Variants in GPNMB observed in about 807,000 individuals in gnomAD.
GPNMB encodes transmembrane glycoprotein NMB.
A neutral mutation model predicts 57.3 loss-of-function variants in GPNMB; 71 were observed. That is an observed-to-expected ratio of 1.24 (90% confidence interval 1.02 to 1.51). The LOEUF (loss-of-function observed/expected upper bound fraction) is 1.51, where lower values mean the gene tolerates loss of function less well. GPNMB is among the 40% of genes most tolerant of loss of function. The probability of loss-of-function intolerance (pLI) is 0.00; values close to 1 mark genes in which losing one functional copy is unlikely to be tolerated. For missense variants in GPNMB, 677 were observed against 691.9 expected (o/e 0.98, Z 0.24); for synonymous variants, 253 against 263.2 (o/e 0.96, Z 0.38).
intron 6 of GPNMB, among the ~76,000 whole-genome samples, chr7:23,263,712 T>G (rs1439390088): frequency 1.3e-5 from 2 of 151,482 alleles, no homozygotes; most frequent in African/African-American, 2.4e-5. Flanking sequence ...AGGTGTTAGA[T>G]CAATCATAAT....
chr7:23,263,377 C>T (rs1321116075), intron 6 of GPNMB, among the ~76,000 whole-genome samples: 4 of 151,866 alleles, frequency 2.6e-5, no homozygotes, highest in East Asian at 3.9e-4. Flanking sequence ...TTTGGGAGGC[C>T]GAGGCAGGTG....
intron 6 of GPNMB, among the ~76,000 whole-genome samples, chr7:23,264,340 A>G (rs928953503): frequency 2.0e-5 from 3 of 151,860 alleles, no homozygotes; most frequent in African/African-American, 7.3e-5. Context: ...TATAGACACA[A>G]TGTTTGCGAA....
At chr7:23,250,097 T>G (rs529348170) in intron 1 of GPNMB, among the ~76,000 whole-genome samples, 1 of 152,356 alleles carries the variant, frequency 6.6e-6, no homozygotes, top group South Asian at 2.1e-4. Flanking sequence ...TTCATTAATT[T>G]TTACCAATTT....
At chr7:23,249,367 T>A (rs1402934187) in intron 1 of GPNMB, among the ~76,000 whole-genome samples, 2 of 152,214 alleles carry the variant, frequency 1.3e-5, no homozygotes, top group Non-Finnish European at 2.9e-5. Context: ...ACAGCCCAGA[T>A]ATTGACATTG....
At chr7:23,268,282 T>C (rs1009934937) in intron 8 of GPNMB, among the ~76,000 whole-genome samples, 6 of 152,228 alleles carry the variant, frequency 3.9e-5, no homozygotes, top group African/African-American at 1.2e-4. Flanking sequence ...TGTTCTCATA[T>C]TGAATCCTCA....
chr7:23,267,851 T>C (rs1422789954), intron 7 of GPNMB, 35 bp from the exon 8 acceptor site: 1 of 1,299,906 alleles, frequency 7.7e-7, no homozygotes, highest in Non-Finnish European at 1.1e-6. Flanking sequence ...TCTGTTGTAT[T>C]TTGATGTGTT....
chr7:23,262,311 C>T (rs544472353), intron 6 of GPNMB, among the ~76,000 whole-genome samples: 13 of 152,260 alleles, frequency 8.5e-5, no homozygotes, highest in East Asian at 1.9e-4. Context: ...AGTCCCCACT[C>T]GTACTCTCCT....
rs766470213 is a variant in GPNMB at position 23,254,150 on chromosome 7, C to T, written c.224-19C>T. 1.1e-5 allele frequency: 17 copies of T among 1,587,332 alleles called. No homozygotes were observed. The highest frequency in any genetic ancestry group is 1.5e-5 in the Non-Finnish European group (17 of 1,170,184). ...GAAAAAGATGCTGGATCATCGAGCC[C>T]CACTTTTTTATACCCTAGGAGGCCG... On this transcript the variant is annotated intron_variant, in intron 2 of 10. Coordinates refer to ENST00000258733, the MANE Select transcript of GPNMB (RefSeq NM_002510.3).
chr7:23,273,432 G>C (rs1164596804), intron 9 of GPNMB, 89 bp from the exon 10 acceptor site: 4 of 801,314 alleles, frequency 5.0e-6, no homozygotes, highest in African/African-American at 1.7e-5. Context: ...TTCTGTGACG[G>C]CTCCCTTCCT....
chr7:23,273,659 C>A, intron 10 of GPNMB, 45 bp downstream of exon 10: 1 of 1,182,868 alleles, frequency 8.5e-7, no homozygotes, highest in South Asian at 1.2e-5. Context: ...AGTGTATTGT[C>A]AAAAGTGAAT....
intron 6 of GPNMB, among the ~76,000 whole-genome samples, chr7:23,261,633 G>T (rs1193340164): frequency 1.3e-5 from 2 of 152,082 alleles, no homozygotes; most frequent in African/African-American, 2.4e-5. Context: ...GCCTGTCGGG[G>T]GGTAGGGGTA....
intron 3 of GPNMB, among the ~76,000 whole-genome samples, chr7:23,254,802 T>C (rs924835878): frequency 2.6e-5 from 4 of 152,192 alleles, no homozygotes; most frequent in African/African-American, 9.6e-5. Flanking sequence ...ATAAGCTCTC[T>C]ATCTATGTTA....
At chr7:23,259,888 T>G in intron 4 of GPNMB, 92 bp from the exon 5 acceptor site, 1 of 1,189,622 alleles carries the variant, frequency 8.4e-7, no homozygotes. Context: ...CTCAGAGCAA[T>G]CTATAAATGG....
Position 23,246,844 on chromosome 7 carries a change from C to T in GPNMB, c.-14C>T. ...GAGTTAAACCTTGAGTGCCTGCGTC[C>T]GTGAGAATTCAGCATGGAATGTCTC... On this transcript the variant is annotated 5_prime_UTR_variant, in exon 1 of 11. Coordinates refer to ENST00000258733, the MANE Select transcript of GPNMB (RefSeq NM_002510.3). 3 of 1,608,610 alleles carry T rather than the reference C, an allele frequency of 1.9e-6. No individual in the cohort carries two copies. The highest frequency in any genetic ancestry group is 1.7e-6 in the Non-Finnish European group (2 of 1,175,002).
At chr7:23,247,191 A>C in intron 1 of GPNMB, 2 of 475,970 alleles carry the variant, frequency 4.2e-6, no homozygotes, top group South Asian at 4.3e-5. Flanking sequence ...TTGCAATTGC[A>C]ACCCATTCTT....
rs141502819 is a variant in GPNMB, at chr7:23,273,543, G to A, written c.1452G>A (p.Met484Ile). Residue 484 changes from methionine to isoleucine, a missense_variant, in exon 10 of 11, where the codon ATG becomes ATA. Physicochemically the swap from Met to Ile is conservative, Grantham distance 10. Transcript: ENST00000258733. Reference protein sequence around the residue: ...PDRDPASPLRMANSALISVGC... With the variant: ...PDRDPASPLRIANSALISVGC... ...AAGACCCAGCCTCGCCTTTAAGGAT[G>A]GCAAACAGTGCCCTGATCTCCGTTG... The A allele has an allele frequency of 3.9e-5, 63 of 1,613,552 alleles. 1 individual carries two copies. The African/African-American group carries it at 5.2e-4, about 13-fold the overall frequency.
At chr7:23,274,014 T>C (rs1478167716) in intron 10 of GPNMB, 51 bp from the exon 11 acceptor site, 1 of 1,378,536 alleles carries the variant, frequency 7.3e-7, no homozygotes, top group African/African-American at 1.5e-5. Context: ...GAAAGTTGTA[T>C]ATTTCAACTG....
chr7:23,254,070 A>G, intron 2 of GPNMB, 99 bp from the exon 3 acceptor site: 1 of 1,043,416 alleles, frequency 9.6e-7, no homozygotes, highest in Non-Finnish European at 1.4e-6. Context: ...AAAGAGGCAT[A>G]TGGGTCCTCT....
intron 4 of GPNMB, among the ~76,000 whole-genome samples, chr7:23,259,286 C>G (rs991055295): frequency 3.3e-5 from 5 of 152,130 alleles, no homozygotes; most frequent in Admixed American, 6.6e-5. Context: ...CGGGTTTAAC[C>G]AATTCGTCTG....
Sources: gnomAD v4.1 joint callset for allele counts (sites outside exome capture counted in the v4.1 genomes callset) on GRCh38, gnomAD v4.1.1 for gene constraint, MANE v1.5 for transcripts, NCBI Gene and HGNC (gene_info 2026-07-23, HGNC 2026-07-21) for gene names.